Variants in DOT1L observed in about 807,000 individuals in gnomAD.
DOT1L encodes histone-lysine N-methyltransferase, H3 lysine-79 specific.
Under a neutral mutation model 153.3 loss-of-function variants are expected in DOT1L, and 33 were observed. The observed-to-expected ratio is 0.22, with a 90% CI of 0.16 to 0.29. The LOEUF is 0.29. DOT1L is among the 10% of genes least tolerant of loss of function. The pLI is 1.00. For missense variants in DOT1L, 1,847 were observed against 2,119.9 expected, an observed-to-expected ratio of 0.87 and a Z score of 2.53; for synonymous variants, 1,135 against 965.1, an observed-to-expected ratio of 1.18 and a Z score of -3.26.
rs1195873661 is a variant in DOT1L at position 2,223,456 on chromosome 19, C to T, written c.3566C>T (p.Pro1189Leu). 6.2e-7 allele frequency: 1 copy of T among 1,612,558 alleles called. No homozygotes were observed. Among genetic ancestry groups the T allele is most frequent in the African/African-American group, 1.3e-5 (1 of 74,800 alleles). Residue 1189 changes from proline (P) to leucine (L), a missense_variant, in exon 25 of 28, where the codon CCA becomes CTA. Physicochemically the swap from Pro to Leu is moderately conservative, Grantham distance 98. Transcript: ENST00000398665. ...TCCCCACTCACCTCAGACGAGGAGC[C>T]AGGCTCTGAGGACGAGCCCAGCAGT... ...HYSPLTSDEEPGSEDEPSSAR... is the reference protein window; with the variant it reads ...HYSPLTSDEELGSEDEPSSAR...
At position 2,220,588 on chromosome 19, in the gene DOT1L, C is replaced by T. The variant is rs796755771; in HGVS notation, c.2806+366C>T. ...ACAGCAGTGCCCAATGGCACACGAC[C>T]GTGGGCCTCCGTGCTGGTAGCGGCA... On this transcript the variant is annotated intron_variant, in intron 23 of 27. Coordinates refer to ENST00000398665, the MANE Select transcript of DOT1L (RefSeq NM_032482.3). This position sits in a 1 kb window ranked among gnomAD's most constrained non-coding sequence, Gnocchi z 4.5. 5.0e-5 allele frequency: 23 copies of T among 458,272 alleles called. No homozygotes were observed. The highest frequency in any genetic ancestry group is 2.0e-4 in the African/African-American group (10 of 50,344). The allele number at this position is 458,272 out of a possible 1,614,324, so 28.4% of individuals were successfully genotyped here.
Position 2,232,460 on chromosome 19 carries a change from T to C in DOT1L, c.*2668T>C, listed in dbSNP as rs2144983092. 1 of 221,752 alleles carries C rather than the reference T, an allele frequency of 4.5e-6. No individual in the cohort carries two copies. Among genetic ancestry groups the C allele is most frequent in the African/African-American group, 2.2e-5 (1 of 44,674 alleles). 13.7% of individuals were successfully genotyped at this position (221,752 alleles called of 1,614,324 possible). ...CCGTGTCTTCCGGGTGAACTGTATT[T>C]GGATTGCGCGCATTGTCACGGTCCG... On this transcript the variant is annotated 3_prime_UTR_variant, in exon 28 of 28. Coordinates refer to ENST00000398665, the MANE Select transcript of DOT1L (RefSeq NM_032482.3).
chr19:2,205,997 G>A (rs941050898), intron 9 of DOT1L, among the ~76,000 whole-genome samples: 6 of 150,448 alleles, frequency 4.0e-5, no homozygotes, highest in Non-Finnish European at 7.4e-5. Context: ...GCAGCGTAGT[G>A]GGTTTTTTTT....
chr19:2,230,235 G>A lies in DOT1L; in HGVS notation c.*443G>A, dbSNP rs970472243. On this transcript the variant is annotated 3_prime_UTR_variant, in exon 28 of 28. Coordinates refer to ENST00000398665, the MANE Select transcript of DOT1L (RefSeq NM_032482.3). ...CTAGACGCTGACAACGCCGAACCCC[G>A]TTCTCGGAAACGCCGCCCGGCCGGC... The A allele has an allele frequency of 5.1e-5, 21 of 413,128 alleles. No homozygotes were observed. The highest frequency in any genetic ancestry group is 6.1e-4 in the Middle Eastern group (1 of 1,646). 25.6% of individuals were successfully genotyped at this position (413,128 alleles called of 1,614,324 possible). A position where few individuals can be genotyped will look rare whatever the true frequency, so the allele number is the denominator to read the frequency against.
chr19:2,183,722 G>T (rs2022353068), intron 2 of DOT1L, among the ~76,000 whole-genome samples: 2 of 151,782 alleles, frequency 1.3e-5, no homozygotes, highest in African/African-American at 4.8e-5. Flanking sequence ...CGTCTCCGGG[G>T]TTCAAGTGAT....
intron 9 of DOT1L, among the ~76,000 whole-genome samples, chr19:2,203,217 A>G (rs920234016): frequency 1.3e-5 from 2 of 152,226 alleles, no homozygotes; most frequent in Non-Finnish European, 2.9e-5. Flanking sequence ...ATTCTGCCTC[A>G]GCCTCCCAAG....
intron 27 of DOT1L, chr19:2,229,272 A>G (rs1330548523): frequency 1.7e-5 from 17 of 985,326 alleles, no homozygotes; most frequent in African/African-American, 1.4e-4. Context: ...CTCCAGGGAC[A>G]TGGCGTGCCT....
chr19:2,206,023 G>C (rs1599585201), intron 9 of DOT1L, among the ~76,000 whole-genome samples: 3 of 151,570 alleles, frequency 2.0e-5, no homozygotes, highest in African/African-American at 4.9e-5. Context: ...TTGAGGCAGA[G>C]TCTCTCTCTA....
intron 3 of DOT1L, among the ~76,000 whole-genome samples, chr19:2,189,135 G>GTGACACACTGCTGACA (rs1309030656): frequency 1.3e-5 from 2 of 152,092 alleles, no homozygotes; most frequent in African/African-American, 2.4e-5. Flanking sequence ...CACTGCTGAC[G>GTGACACACTGCTGACA]TGACACACTG....
rs768511185 is a variant in DOT1L, at chr19:2,232,552, G to A, written c.*2760G>A. The A allele has an allele frequency of 1.3e-4, 28 of 210,812 alleles. No homozygotes were observed. Among genetic ancestry groups the A allele is most frequent in the Non-Finnish European group, 2.3e-4 (24 of 103,786 alleles). 13.1% of individuals were successfully genotyped at this position (210,812 alleles called of 1,614,324 possible). A position where few individuals can be genotyped will look rare whatever the true frequency, so the allele number is the denominator to read the frequency against. On this transcript the variant is annotated 3_prime_UTR_variant, in exon 28 of 28. Coordinates refer to ENST00000398665, the MANE Select transcript of DOT1L (RefSeq NM_032482.3). ...TTCTGCATCCCCACCTCTAGACGCT[G>A]TAATAAACAGACTGTTTTCACTCGG...
chr19:2,164,335 A>AC lies in DOT1L; in HGVS notation c.81+77dup, dbSNP rs562260174. Reference sequence around the variant, plus strand: ...TCCGCCGCCCCTGGGGACACCCCAAACCCCCCCAAGCCGCGCTCACCGGTC... The same window carrying AC: ...TCCGCCGCCCCTGGGGACACCCCAAACCCCCCCCAAGCCGCGCTCACCGGTC... On this transcript the variant is annotated intron_variant, in intron 1 of 27. Coordinates refer to ENST00000398665, the MANE Select transcript of DOT1L (RefSeq NM_032482.3). The AC allele has an allele frequency of 7.2e-3, 7,967 of 1,101,024 alleles. 52 individuals carry two copies. Among genetic ancestry groups the AC allele is most frequent in the Middle Eastern group, 0.02 (67 of 3,344 alleles). The allele number at this position is 1,101,024 out of a possible 1,614,324, so 68.2% of individuals were successfully genotyped here. A position where few individuals can be genotyped will look rare whatever the true frequency, so the allele number is the denominator to read the frequency against.
chr19:2,174,077 C>A (rs1471657879), intron 1 of DOT1L, among the ~76,000 whole-genome samples: 1 of 152,220 alleles, frequency 6.6e-6, no homozygotes, highest in Admixed American at 6.5e-5. Context: ...TCCACCTCAG[C>A]CTCCTAAAGT....
intron 8 of DOT1L, among the ~76,000 whole-genome samples, chr19:2,201,033 A>G (rs1423336136): frequency 8.1e-5 from 8 of 98,988 alleles, no homozygotes; most frequent in South Asian, 4.1e-4. Context: ...TCCTCCCCGC[A>G]TTCCTCGTCC....
chr19:2,193,751 G>A lies in DOT1L; in HGVS notation c.556G>A (p.Glu186Lys), dbSNP rs2144753062. The change falls in exon 6 of 28, where the codon GAG (glutamate) becomes AAG (lysine). Residue 186 changes from glutamate to lysine, a missense_variant. Coordinates refer to ENST00000398665, the MANE Select transcript of DOT1L (RefSeq NM_032482.3). The surrounding 1 kb of genome is among the most constrained non-coding windows in gnomAD (Gnocchi z 5.9). ...ATNCKHHYGVEKADIPAKYAE... is the reference protein window; with the variant it reads ...ATNCKHHYGVKKADIPAKYAE... Reference sequence around the variant, plus strand: ...CAACTGCAAACATCACTATGGCGTCGAGAAAGCAGACATCCCGGCCAAGTA... The same window carrying A: ...CAACTGCAAACATCACTATGGCGTCAAGAAAGCAGACATCCCGGCCAAGTA... 1 of 1,614,134 alleles carries A rather than the reference G, an allele frequency of 6.2e-7. No homozygotes were observed. Among genetic ancestry groups the A allele is most frequent in the Non-Finnish European group, 8.5e-7 (1 of 1,179,988 alleles).
chr19:2,172,495 T>TTTTC (rs933415860), intron 1 of DOT1L, among the ~76,000 whole-genome samples: 1 of 150,562 alleles, frequency 6.6e-6, no homozygotes, highest in Admixed American at 6.6e-5. Context: ...GGCCAGCCAC[T>TTTTC]TTTCTTTCTT....
chr19:2,211,887 A>T, intron 16 of DOT1L, 45 bp downstream of exon 16: 1 of 1,515,808 alleles, frequency 6.6e-7, no homozygotes, highest in South Asian at 1.2e-5. Context: ...GCACAGAGGC[A>T]GTTCGTTCCT....
At chr19:2,227,561 G>A in intron 27 of DOT1L, 2 of 687,934 alleles carry the variant, frequency 2.9e-6, no homozygotes, top group South Asian at 3.6e-5. Context: ...GGGGCGGGGG[G>A]CCGGAGGGCG....
chr19:2,224,131 C>T (rs1026847894), intron 25 of DOT1L, among the ~76,000 whole-genome samples: 3 of 152,244 alleles, frequency 2.0e-5, no homozygotes, highest in Non-Finnish European at 2.9e-5. Context: ...GGTGCATCCT[C>T]GGTCCCTGTC....
intron 2 of DOT1L, 38 bp from the exon 3 acceptor site, chr19:2,185,817 C>T (rs183589664): frequency 1.3e-5 from 21 of 1,603,788 alleles, no homozygotes; most frequent in African/African-American, 4.0e-5. Context: ...ACAAAAAAAA[C>T]CAAACCCTTC....
Sources: allele counts gnomAD v4.1 joint callset (sites outside exome capture counted in the v4.1 genomes callset), GRCh38; gene constraint gnomAD v4.1.1; non-coding constraint Gnocchi (gnomAD v3.1); transcripts MANE v1.5; gene names NCBI Gene and HGNC (gene_info 2026-07-23, HGNC 2026-07-21).